Variants in SH3GL3 observed in about 807,000 individuals in gnomAD.
SH3GL3 encodes the protein endophilin-A3.
In SH3GL3, 33 loss-of-function variants were observed where a neutral mutation model predicts 47.7. The ratio of observed to expected loss-of-function variants is 0.69; its 90% CI spans 0.52 to 0.92. SH3GL3 has a LOEUF of 0.92. SH3GL3 is among the 40% of genes least tolerant of loss of function. SH3GL3 has a pLI of 0.00. For missense variants in SH3GL3, 363 were observed against 417.8 expected (o/e 0.87, Z 1.14); for synonymous variants, 155 against 148.8 (o/e 1.04, Z -0.30).
At chr15:83,498,706 C>T (rs993205731) in intron 1 of SH3GL3, among the ~76,000 whole-genome samples, 2 of 152,178 alleles carry the variant, frequency 1.3e-5, no homozygotes, top group Non-Finnish European at 2.9e-5. Flanking sequence ...ACCTCTCCCA[C>T]CTATTTTCTC....
chr15:83,529,253 C>T (rs902125946), intron 1 of SH3GL3, among the ~76,000 whole-genome samples: 2 of 152,074 alleles, frequency 1.3e-5, no homozygotes, highest in African/African-American at 4.8e-5. Context: ...TACATGGGCA[C>T]CAGTGTTAGC....
At chr15:83,541,435 G>A (rs1429371315) in intron 1 of SH3GL3, among the ~76,000 whole-genome samples, 1 of 138,532 alleles carries the variant, frequency 7.2e-6, no homozygotes, top group East Asian at 2.3e-4. Context: ...CCGGGTTCAC[G>A]CCATTCTCCT....
chr15:83,588,623 A>G, intron 7 of SH3GL3, 39 bp from the exon 8 acceptor site: 1 of 1,251,810 alleles, frequency 8.0e-7, no homozygotes, highest in Non-Finnish European at 1.2e-6. Context: ...AAAGCTTTCA[A>G]CATCAGATGT....
At chr15:83,461,545 A>C (rs1052344063) in intron 1 of SH3GL3, among the ~76,000 whole-genome samples, 5 of 152,120 alleles carry the variant, frequency 3.3e-5, no homozygotes, top group Non-Finnish European at 7.4e-5. Context: ...TAATATTAAA[A>C]TGTTTGCTTT....
intron 1 of SH3GL3, chr15:83,490,755 CTTT>C: frequency 6.2e-7 from 1 of 1,601,896 alleles, no homozygotes; most frequent in Non-Finnish European, 8.5e-7. Flanking sequence ...ATTACAGGAG[CTTT>C]TAAGTGAATA....
chr15:83,473,877 T>C (rs533332614), intron 1 of SH3GL3, among the ~76,000 whole-genome samples: 6 of 150,026 alleles, frequency 4.0e-5, no homozygotes, highest in African/African-American at 1.5e-4. Context: ...TTTATGTCCA[T>C]GCGCATTTCC....
downstream of SH3GL3, among the ~76,000 whole-genome samples, chr15:83,621,930 C>T (rs1163199650): frequency 6.6e-6 from 1 of 152,130 alleles, no homozygotes; most frequent in Non-Finnish European, 1.5e-5. Context: ...CTTCTGATTC[C>T]ACGGTACATC....
intron 7 of SH3GL3, among the ~76,000 whole-genome samples, chr15:83,587,866 T>C (rs1434652890): frequency 6.6e-6 from 1 of 152,144 alleles, no homozygotes; most frequent in African/African-American, 2.4e-5. Context: ...ATGCATAAAT[T>C]TGGAGGGATT....
chr15:83,490,290 A>T (rs2041823469), intron 1 of SH3GL3, among the ~76,000 whole-genome samples: 1 of 138,724 alleles, frequency 7.2e-6, no homozygotes, highest in African/African-American at 2.8e-5. Context: ...TTTTCCGCTG[A>T]CCCTCATTAG....
chr15:83,501,240 G>A (rs972795994), intron 1 of SH3GL3, among the ~76,000 whole-genome samples: 1 of 150,986 alleles, frequency 6.6e-6, no homozygotes, highest in Non-Finnish European at 1.5e-5. Flanking sequence ...GATTAAATTT[G>A]TAATTATTGT....
chr15:83,482,506 T>C (rs12902523), intron 1 of SH3GL3, among the ~76,000 whole-genome samples: 46,380 of 151,888 alleles, frequency 0.31, 7,397 homozygotes, highest in Admixed American at 0.41. Context: ...AGTTTTTTTT[T>C]TTTTGATTCA....
At chr15:83,499,412 G>GA (rs1223426891) in intron 1 of SH3GL3, among the ~76,000 whole-genome samples, 2 of 127,594 alleles carry the variant, frequency 1.6e-5, no homozygotes, top group African/African-American at 5.7e-5. Context: ...AAAAAAAAAA[G>GA]AAAGGCACTT....
chr15:83,489,301 GC>G (rs2041758803), intron 1 of SH3GL3: 1 of 152,182 alleles, frequency 6.6e-6, no homozygotes, highest in Admixed American at 6.5e-5. Flanking sequence ...GCACCATAAA[GC>G]TAAAGGAAGA....
At chr15:83,580,340 C>T (rs765639065) in intron 6 of SH3GL3, among the ~76,000 whole-genome samples, 1 of 152,182 alleles carries the variant, frequency 6.6e-6, no homozygotes, top group Non-Finnish European at 1.5e-5. Context: ...GTGCTGCTGC[C>T]TGATGGATTG....
intron 1 of SH3GL3, among the ~76,000 whole-genome samples, chr15:83,515,751 A>T (rs1448642320): frequency 6.6e-6 from 1 of 152,252 alleles, no homozygotes; most frequent in Non-Finnish European, 1.5e-5. Flanking sequence ...TGCAAATAAA[A>T]TTACAAACCT....
chr15:83,591,023 T>C (rs1277021341), intron 8 of SH3GL3, among the ~76,000 whole-genome samples: 1 of 152,210 alleles, frequency 6.6e-6, no homozygotes, highest in Non-Finnish European at 1.5e-5. Context: ...TTTTCTTTTT[T>C]TTGAGACAGA....
chr15:83,449,463 C>T (rs1274801445), intron 1 of SH3GL3, among the ~76,000 whole-genome samples: 5 of 152,170 alleles, frequency 3.3e-5, no homozygotes, highest in African/African-American at 1.2e-4. Flanking sequence ...GGAAATGAAC[C>T]TCCTCTTTTG....
Position 83,539,883 on chromosome 15 carries a change from G to T in SH3GL3, c.46-19370G>T, listed in dbSNP as rs529212563. ...AGGTCAGTGAGGAATTATTTTTGAG[G>T]TATGGTGTAAAGCAGGGGTCTTAAA... is the stretch of plus-strand genomic sequence containing the variant. On this transcript the variant is annotated intron_variant, in intron 1 of 8. Transcript: ENST00000427482. Among the ~76,000 whole-genome samples the T allele has an allele frequency of 2.6e-5, 4 of 152,192 alleles. No homozygotes were observed. The East Asian group carries it at 7.7e-4, about 29-fold the overall frequency.
At chr15:83,491,729 G>T (rs2041881441) in intron 1 of SH3GL3, among the ~76,000 whole-genome samples, 1 of 152,182 alleles carries the variant, frequency 6.6e-6, no homozygotes, top group Non-Finnish European at 1.5e-5. Context: ...CAAGGCCTTT[G>T]AGTCACACAG....
Sources: gnomAD v4.1 joint callset for allele counts (sites outside exome capture counted in the v4.1 genomes callset) on GRCh38, gnomAD v4.1.1 for gene constraint, MANE v1.5 for transcripts, NCBI Gene and HGNC (gene_info 2026-07-23, HGNC 2026-07-21) for gene names.